Variants in NLRP7 observed in about 807,000 individuals in gnomAD.
NLRP7 encodes the protein NACHT, LRR and PYD domains-containing protein 7.
Under a neutral mutation model 85.5 loss-of-function variants are expected in NLRP7, and 72 were observed. The ratio of observed to expected loss-of-function variants is 0.84; its 90% CI spans 0.70 to 1.02. The LOEUF (loss-of-function observed/expected upper bound fraction) is 1.02, where lower values mean the gene tolerates loss of function less well. NLRP7 is among the 50% of genes least tolerant of loss of function. The pLI is 0.00. For missense variants in NLRP7, 1,243 were observed against 1,219.5 expected, an observed-to-expected ratio of 1.02 and a Z score of -0.29; for synonymous variants, 550 against 505.2, an observed-to-expected ratio of 1.09 and a Z score of -1.19.
At chr19:54,942,154 G>A (rs963993401) in intron 1 of NLRP7, among the ~76,000 whole-genome samples, 6 of 150,652 alleles carry the variant, frequency 4.0e-5, no homozygotes, top group Non-Finnish European at 8.8e-5. Context: ...TACTCGGGAG[G>A]CTGAGGCAGG....
intron 9 of NLRP7, 126 bp downstream of exon 10, chr19:54,927,479 C>T: frequency 1.2e-6 from 1 of 855,346 alleles, no homozygotes; most frequent in Non-Finnish European, 1.9e-6. Flanking sequence ...TTGCTTGAAC[C>T]TGAGAGGCAG....
intron 1 of NLRP7, among the ~76,000 whole-genome samples, chr19:54,956,232 G>C (rs1004780179): frequency 9.9e-5 from 15 of 152,146 alleles, no homozygotes; most frequent in Non-Finnish European, 1.9e-4. Flanking sequence ...AGTCAGTCTT[G>C]TGGGACTCAG....
intron 8 of NLRP7, among the ~76,000 whole-genome samples, chr19:54,931,338 C>T (rs376423009): frequency 1.1e-4 from 16 of 152,004 alleles, no homozygotes; most frequent in African/African-American, 3.6e-4. Context: ...GTGGGTGAAT[C>T]ACAAGATCAG....
chr19:54,962,513 C>T (rs2070081179), intron 1 of NLRP7, among the ~76,000 whole-genome samples: 1 of 151,614 alleles, frequency 6.6e-6, no homozygotes, highest in African/African-American at 2.4e-5. Context: ...TCAGGTGATC[C>T]ACCCGCCTCG....
chr19:54,941,726 G>T lies in NLRP7; in HGVS notation c.-15C>A, dbSNP rs908243815. The T allele has an allele frequency of 4.3e-6, 7 of 1,609,968 alleles. No homozygotes were observed. The African/African-American group carries it at 9.4e-5, about 22-fold the overall frequency. On this transcript the variant is annotated 5_prime_UTR_variant, in exon 2 of 10. Coordinates refer to ENST00000340844, the Ensembl canonical transcript of NLRP7. ...GGCGATGTCATAGTGCTCCGAGTAT[G>T]AGACCTTAGGTTAAGGCTGAAGAAC...
At chr19:54,935,409 A>G (rs1345551423) in intron 6 of NLRP7, among the ~76,000 whole-genome samples, 5 of 152,084 alleles carry the variant, frequency 3.3e-5, no homozygotes, top group Non-Finnish European at 5.9e-5. Flanking sequence ...TAAAAATTTT[A>G]TCCTGGCCAG....
At chr19:54,964,510 C>G (rs1458856278) in intron 1 of NLRP7, among the ~76,000 whole-genome samples, 2 of 151,830 alleles carry the variant, frequency 1.3e-5, no homozygotes, top group Non-Finnish European at 2.9e-5. Flanking sequence ...GCCACTGTGC[C>G]CGGCTATATG....
Position 54,941,703 on chromosome 19 carries a change from C to T in NLRP7, c.9G>A (p.Ser3=), listed in dbSNP as rs199475821. 25 of 1,612,226 alleles carry T rather than the reference C, an allele frequency of 1.6e-5. No homozygotes were observed. The Middle Eastern group carries it at 5.0e-4, about 32-fold the overall frequency. Residue 3 remains serine, a synonymous_variant, in exon 2 of 10, where the codon TCG becomes TCA. Coordinates refer to ENST00000340844, the Ensembl canonical transcript of NLRP7. ...TCTGCAGAGTCCACTCTAGCTGGGG[C>T]GATGTCATAGTGCTCCGAGTATGAG... is the stretch of plus-strand genomic sequence containing the variant.
intron 1 of NLRP7, among the ~76,000 whole-genome samples, chr19:54,954,892 G>A (rs2069801846): frequency 1.3e-5 from 2 of 151,962 alleles, no homozygotes. Flanking sequence ...ATGGGCTGCT[G>A]TCTATGGAGT....
rs544604816 is a variant in NLRP7 at position 54,961,498 on chromosome 19, CTAAATAAATAAA to C, written c.-77+4530_-77+4541del. ...GGGCAACAACAGAGAGACTTCATCT[CTAAATAAATAAA>C]TAAATAAATAAAAGAAAATACAAAT... On this transcript the variant is annotated intron_variant, in intron 1 of 2. Transcript: ENST00000587103. Among the ~76,000 whole-genome samples, 120 of 146,342 alleles carry C rather than the reference CTAAATAAATAAA, an allele frequency of 8.2e-4. No individual in the cohort carries two copies. The South Asian group carries it at 0.023, about 28-fold the overall frequency.
chr19:54,964,745 GA>G (rs1212360866), intron 1 of NLRP7, among the ~76,000 whole-genome samples: 1 of 142,742 alleles, frequency 7.0e-6, no homozygotes, highest in African/African-American at 2.6e-5. Context: ...GGAATCACTT[GA>G]AGCCGGCAGG....
intron 1 of NLRP7, among the ~76,000 whole-genome samples, chr19:54,959,828 C>T (rs942621853): frequency 1.3e-5 from 2 of 151,814 alleles, no homozygotes; most frequent in African/African-American, 4.8e-5. Context: ...TTCATTTTAC[C>T]CAACTGCTCC....
At position 54,934,636 on chromosome 19, in the gene NLRP7, G is replaced by A. The variant is rs542783229; in HGVS notation, c.2324C>T (p.Pro775Leu). 148 of 1,613,616 alleles carry A rather than the reference G, an allele frequency of 9.2e-5. 3 individuals carry two copies. The highest frequency in any genetic ancestry group is 7.3e-4 in the Admixed American group (44 of 59,968). ...ATAGAAGAATTCAGCCCACTGCTCC[G>A]GGGTGGCACAGTGACCTCCCAACCT... The change falls in exon 7 of 10, where the codon CCG becomes CTG. Residue 775 changes from proline to leucine, a missense_variant. Pro to Leu is a moderately conservative substitution (Grantham distance 98). This residue lies in a region of NLRP7 where 613 missense variants were observed against 588.4 expected (regional missense o/e 1.04). Transcript: ENST00000340844. This position sits in a 1 kb window ranked among gnomAD's most constrained non-coding sequence, Gnocchi z 6.7.
intron 1 of NLRP7, among the ~76,000 whole-genome samples, chr19:54,946,905 G>A (rs1260916639): frequency 6.6e-6 from 1 of 152,128 alleles, no homozygotes; most frequent in Non-Finnish European, 1.5e-5. Context: ...CTCCCAAAGT[G>A]TTGGGATAAC....
intron 1 of NLRP7, among the ~76,000 whole-genome samples, chr19:54,953,787 G>C (rs896770562): frequency 6.6e-6 from 1 of 151,578 alleles, no homozygotes; most frequent in South Asian, 2.1e-4. Flanking sequence ...TGGATCACAC[G>C]GTCAGGAGAT....
At chr19:54,953,491 A>G (rs999480602) in intron 1 of NLRP7, 1 of 151,878 alleles carries the variant, frequency 6.6e-6, no homozygotes, top group South Asian at 2.1e-4. Context: ...TCAGGGGTCA[A>G]TCTTTAACTA....
intron 4 of NLRP7, 26 bp downstream of exon 4, chr19:54,938,862 G>T (rs1196432597): frequency 6.2e-7 from 1 of 1,612,214 alleles, no homozygotes; most frequent in South Asian, 1.1e-5. Flanking sequence ...TCCTAGTGGA[G>T]CGTGGGATGG....
At chr19:54,941,903 C>T (rs1026841536) in intron 1 of NLRP7, among the ~76,000 whole-genome samples, 153 bp from the exon 2 acceptor site, 5 of 152,110 alleles carry the variant, frequency 3.3e-5, no homozygotes, top group East Asian at 3.9e-4. Context: ...TGGCCCAGCA[C>T]GGTGGCTCAC....
intron 4 of NLRP7, 148 bp downstream of exon 4, chr19:54,938,740 C>G (rs934457117): frequency 1.1e-6 from 1 of 905,522 alleles, no homozygotes; most frequent in Non-Finnish European, 1.8e-6. Context: ...ATAAAAAGCC[C>G]CAATTCCTAA....
Sources: allele counts gnomAD v4.1 joint callset (sites outside exome capture counted in the v4.1 genomes callset), GRCh38; gene constraint gnomAD v4.1.1; regional missense constraint gnomAD v4.1.1; non-coding constraint Gnocchi (gnomAD v3.1); transcripts MANE v1.5; gene names NCBI Gene and HGNC (gene_info 2026-07-23, HGNC 2026-07-21).